The following KLRG2 variants were observed in gnomAD, a reference collection of about 807,000 sequenced individuals.
KLRG2 encodes the protein killer cell lectin like receptor G2.
Under a neutral mutation model 35.4 loss-of-function variants are expected in KLRG2, and 39 were observed. That is an observed-to-expected ratio of 1.10 (90% confidence interval 0.85 to 1.44). The LOEUF (loss-of-function observed/expected upper bound fraction) is 1.44. Among genes scored for constraint, KLRG2 ranks in the 40% most tolerant of loss-of-function variants. The pLI is 0.00. For synonymous variants in KLRG2, 283 were observed against 265.8 expected, an observed-to-expected ratio of 1.06 and a Z score of -0.63; for missense variants, 632 against 570.9, an observed-to-expected ratio of 1.11 and a Z score of -1.09.
intron 3 of KLRG2, among the ~76,000 whole-genome samples, chr7:139,467,155 G>T (rs763841992): frequency 6.6e-6 from 1 of 151,970 alleles, no homozygotes; most frequent in Middle Eastern, 3.4e-3. Context: ...TTCCCATGTC[G>T]CCCCTAATCC....
the KLRG2 span, among the ~76,000 whole-genome samples, chr7:139,441,484 T>G: frequency 2.7e-5 from 4 of 150,542 alleles, no homozygotes; most frequent in South Asian, 2.1e-4. Flanking sequence ...GGTGGGGGAC[T>G]GGGGGAGGGA....
At chr7:139,434,646 A>G in the KLRG2 span, among the ~76,000 whole-genome samples, 1 of 152,252 alleles carries the variant, frequency 6.6e-6, no homozygotes, top group African/African-American at 2.4e-5. Context: ...ACTTAGAGTT[A>G]TAAATAGAAG....
At chr7:139,475,706 T>C (rs1184398969) in intron 3 of KLRG2, among the ~76,000 whole-genome samples, 8 of 152,092 alleles carry the variant, frequency 5.3e-5, no homozygotes, top group Non-Finnish European at 8.8e-5. Context: ...AGTAAATGTG[T>C]TTCCCTAAGT....
At chr7:139,465,547 C>T (rs113831517) in intron 3 of KLRG2, among the ~76,000 whole-genome samples, 18,189 of 151,940 alleles carry the variant, frequency 0.12, 1,182 homozygotes, top group African/African-American at 0.17. Flanking sequence ...AAAAAATTAG[C>T]CAGGCATGGT....
intron 3 of KLRG2, among the ~76,000 whole-genome samples, chr7:139,462,679 G>A (rs113486888): frequency 9.2e-5 from 14 of 152,108 alleles, no homozygotes; most frequent in African/African-American, 2.7e-4. Context: ...CGGCACTTTC[G>A]ATTTCTCCAT....
Position 139,483,118 on chromosome 7 carries a change from T to C in KLRG2, c.525A>G (p.Ala175=). 10 of 1,476,730 alleles carry C rather than the reference T, an allele frequency of 6.8e-6. No individual in the cohort carries two copies. The highest frequency in any genetic ancestry group is 8.9e-6 in the Non-Finnish European group (10 of 1,122,318). 91.5% of individuals were successfully genotyped at this position (1,476,730 alleles called of 1,614,324 possible). Residue 175 remains alanine, a synonymous_variant, in exon 1 of 5, where the codon GCA becomes GCG. Coordinates refer to ENST00000340940, the MANE Select transcript of KLRG2 (RefSeq NM_198508.4). ...GGCCCCACGTGCCGCCCTGGGATGGTGCGCGCAGCAGGAGCTGGTGCGCCG... is the reference window on the plus strand; with the variant it reads ...GGCCCCACGTGCCGCCCTGGGATGGCGCGCGCAGCAGGAGCTGGTGCGCCG... ...ADPAHQLLLR[A]PSQGGTWGRR...
At chr7:139,447,402 C>CTTT in the KLRG2 span, among the ~76,000 whole-genome samples, 188 of 136,940 alleles carry the variant, frequency 1.4e-3, 2 homozygotes, top group African/African-American at 4.4e-3. Context: ...TTGGGTCATT[C>CTTT]TTTTTTTTTT....
At chr7:139,472,940 G>C (rs887795325) in intron 3 of KLRG2, among the ~76,000 whole-genome samples, 3 of 152,198 alleles carry the variant, frequency 2.0e-5, no homozygotes, top group Non-Finnish European at 4.4e-5. Flanking sequence ...AACCACAGAG[G>C]CTTTTAGAAT....
At chr7:139,457,398 A>C (rs999365778) in intron 3 of KLRG2, among the ~76,000 whole-genome samples, 12 of 152,154 alleles carry the variant, frequency 7.9e-5, no homozygotes, top group African/African-American at 2.7e-4. Context: ...AGGCTACCCC[A>C]TATGCAAATT....
chr7:139,454,473 G>A (rs1796425361), intron 3 of KLRG2, among the ~76,000 whole-genome samples: 1 of 152,154 alleles, frequency 6.6e-6, no homozygotes, highest in Admixed American at 6.5e-5. Flanking sequence ...ACACCACTAA[G>A]TGATGCTCAG....
At chr7:139,468,025 C>T (rs949165896) in intron 3 of KLRG2, among the ~76,000 whole-genome samples, 4 of 152,178 alleles carry the variant, frequency 2.6e-5, no homozygotes, top group Admixed American at 6.5e-5. Context: ...CAACACTGCT[C>T]TTTAAGGTAT....
downstream of KLRG2, among the ~76,000 whole-genome samples, chr7:139,451,925 T>G (rs1174776279): frequency 6.6e-6 from 1 of 151,036 alleles, no homozygotes; most frequent in African/African-American, 2.4e-5. Context: ...CTGCCCCACG[T>G]GAGCCACCCA....
chr7:139,465,488 C>G (rs1190526196), intron 3 of KLRG2, among the ~76,000 whole-genome samples: 3 of 152,024 alleles, frequency 2.0e-5, no homozygotes, highest in Non-Finnish European at 4.4e-5. Flanking sequence ...GTCAGGAGAT[C>G]GAGACCATCC....
At chr7:139,464,908 G>A (rs1357825225) in intron 3 of KLRG2, among the ~76,000 whole-genome samples, 1 of 152,140 alleles carries the variant, frequency 6.6e-6, no homozygotes, top group Non-Finnish European at 1.5e-5. Flanking sequence ...TCTGCCCTCT[G>A]GCTCCTTCAG....
At chr7:139,456,875 A>G (rs560535022) in intron 3 of KLRG2, among the ~76,000 whole-genome samples, 1 of 152,248 alleles carries the variant, frequency 6.6e-6, no homozygotes, top group East Asian at 1.9e-4. Flanking sequence ...TCAGCATCGC[A>G]CTATGATAAC....
intron 3 of KLRG2, among the ~76,000 whole-genome samples, chr7:139,470,539 C>T (rs1187433335): frequency 2.0e-5 from 3 of 152,282 alleles, no homozygotes; most frequent in Admixed American, 1.3e-4. Flanking sequence ...TGCCTACAAT[C>T]CCAGGACTTT....
At position 139,453,647 on chromosome 7, in the gene KLRG2, C is replaced by T. The variant is rs151265889; in HGVS notation, c.1170G>A (p.Thr390=). The change falls in exon 5 of 5, where the codon ACG becomes ACA. Residue 390 remains threonine (T), a synonymous_variant. Coordinates refer to ENST00000340940, the MANE Select transcript of KLRG2 (RefSeq NM_198508.4). ...DINCGALEEG[T]LVAANCSTPR... ...GAGTGCTGCAGTTTGCAGCCACCAG[C>T]GTGCCTTCCTCCAGGGCCCCACAGT... The T allele has an allele frequency of 4.0e-5, 65 of 1,613,906 alleles. No homozygotes were observed. The Middle Eastern group carries it at 1.2e-3, about 29-fold the overall frequency.
chr7:139,473,855 T>C (rs1273678402), intron 3 of KLRG2, among the ~76,000 whole-genome samples: 1 of 151,738 alleles, frequency 6.6e-6, no homozygotes, highest in Non-Finnish European at 1.5e-5. Flanking sequence ...GTTCTAAAAA[T>C]TAGAAACAAG....
chr7:139,429,316 T>A, the KLRG2 span, among the ~76,000 whole-genome samples: 1 of 151,932 alleles, frequency 6.6e-6, no homozygotes, highest in African/African-American at 2.4e-5. Context: ...AAAAAATAAG[T>A]AAATAAATCA....
Sources: gnomAD v4.1 joint callset for allele counts (sites outside exome capture counted in the v4.1 genomes callset) on GRCh38, gnomAD v4.1.1 for gene constraint, MANE v1.5 for transcripts, NCBI Gene and HGNC (gene_info 2026-07-23, HGNC 2026-07-21) for gene names.